Variants in SLC14A2 observed in about 807,000 individuals in gnomAD.
SLC14A2 encodes urea transporter 2.
Under a neutral mutation model 104.6 loss-of-function variants are expected in SLC14A2, and 91 were observed. That is an observed-to-expected ratio of 0.87 (90% CI 0.73 to 1.04). The LOEUF (loss-of-function observed/expected upper bound fraction) is 1.04. Among genes scored for constraint, SLC14A2 ranks in the 50% least tolerant of loss-of-function variants. The pLI is 0.00. For missense variants in SLC14A2, 1,189 were observed against 1,156.0 expected, an observed-to-expected ratio of 1.03 and a Z score of -0.41; for synonymous variants, 476 against 466.4, an observed-to-expected ratio of 1.02 and a Z score of -0.27.
chr18:45,544,548 AT>A (rs2043939216), intron 2 of SLC14A2, among the ~76,000 whole-genome samples: 1 of 152,148 alleles, frequency 6.6e-6, no homozygotes, highest in Non-Finnish European at 1.5e-5. Context: ...ATATGTGGTT[AT>A]TTTAAACATT....
At chr18:45,464,246 T>C (rs2087099239) in intron 1 of SLC14A2, among the ~76,000 whole-genome samples, 1 of 152,168 alleles carries the variant, frequency 6.6e-6, no homozygotes, top group Non-Finnish European at 1.5e-5. Context: ...TGATTTAGGG[T>C]AACTTAGCTT....
chr18:45,308,006 G>C lies in SLC14A2; in HGVS notation c.-125+94815G>C, dbSNP rs541952379. ...CAGACACATCACATGGCAAGAATGGGAGCCCGAGAGAGATGAGAGAGGGGC... is the reference window on the plus strand; with the variant it reads ...CAGACACATCACATGGCAAGAATGGCAGCCCGAGAGAGATGAGAGAGGGGC... On this transcript the variant is annotated intron_variant, in intron 1 of 20. Transcript: ENST00000586448. 3.2e-4 allele frequency among the ~76,000 whole-genome samples: 48 copies of C among 152,290 alleles called. No homozygotes were observed. In the South Asian group the frequency reaches 9.7e-3, roughly 31 times the overall value.
chr18:45,208,849 G>A (rs1235169907), upstream of SLC14A2, among the ~76,000 whole-genome samples: 1 of 151,852 alleles, frequency 6.6e-6, no homozygotes, highest in Non-Finnish European at 1.5e-5. Flanking sequence ...CAAAGATATG[G>A]TAGTATTATG....
chr18:45,414,753 AAAAAATATATATATAT>A lies in SLC14A2; in HGVS notation c.-124-68478_-124-68463del, dbSNP rs1194955917. 1.0e-3 allele frequency among the ~76,000 whole-genome samples: 67 copies of A among 64,004 alleles called. 3 individuals are homozygous for A. The highest frequency in any genetic ancestry group is 2.1e-3 in the Admixed American group (11 of 5,252). 42.0% of individuals were successfully genotyped at this position (64,004 alleles called of 152,430 possible). A position where few individuals can be genotyped will look rare whatever the true frequency, so the allele number is the denominator to read the frequency against. On this transcript the variant is annotated intron_variant, in intron 1 of 20. Transcript: ENST00000586448. ...TGCAAGGCACCGAGCGTAAAAAAAA[AAAAAATATATATATAT>A]ATATATATATATATATATATATATA...
intron 1 of SLC14A2, among the ~76,000 whole-genome samples, chr18:45,359,377 C>T (rs2085588204): frequency 6.6e-6 from 1 of 152,138 alleles, no homozygotes; most frequent in Admixed American, 6.5e-5. Flanking sequence ...GCTCCAGCAC[C>T]CCTCCTCCTC....
At chr18:45,489,790 G>C (rs2087686160) in intron 2 of SLC14A2, 1 of 152,188 alleles carries the variant, frequency 6.6e-6, no homozygotes, top group Admixed American at 6.5e-5. Flanking sequence ...AACTGGGGGA[G>C]AAATAATCTG....
At chr18:45,597,697 AT>A (rs2044734226) in intron 2 of SLC14A2, among the ~76,000 whole-genome samples, 2 of 152,150 alleles carry the variant, frequency 1.3e-5, no homozygotes, top group South Asian at 4.1e-4. Flanking sequence ...TCTGCTACAT[AT>A]TCAAAGGAAC....
rs527665700 is a variant in SLC14A2, at chr18:45,574,912, A to T, written c.-34-49719A>T. 3.3e-5 allele frequency among the ~76,000 whole-genome samples: 5 copies of T among 152,252 alleles called. No homozygotes were observed. In the East Asian group the frequency reaches 9.7e-4, roughly 29 times the overall value. On this transcript the variant is annotated intron_variant, in intron 2 of 20. Transcript: ENST00000586448. The stretch of plus-strand genomic sequence containing the variant: ...TGTCCAAGCTTTTCTACAGCCTCCT[A>T]TAAATAGCCACCACTTGGCCTCCTT...
At chr18:45,574,062 T>C (rs1031152972) in intron 2 of SLC14A2, among the ~76,000 whole-genome samples, 1 of 152,234 alleles carries the variant, frequency 6.6e-6, no homozygotes, top group Non-Finnish European at 1.5e-5. Context: ...TTTAGGAAGT[T>C]AAACTAGATC....
intron 2 of SLC14A2, among the ~76,000 whole-genome samples, chr18:45,543,074 G>A (rs531639244): frequency 3.1e-4 from 47 of 151,762 alleles, no homozygotes; most frequent in Non-Finnish European, 5.7e-4. Context: ...TCAGCCTCCC[G>A]AGTAGCTGGG....
chr18:45,516,526 C>T (rs1404834229), intron 2 of SLC14A2, among the ~76,000 whole-genome samples: 1 of 152,186 alleles, frequency 6.6e-6, no homozygotes, highest in Non-Finnish European at 1.5e-5. Flanking sequence ...CTTTCTGAAT[C>T]TCTGTACACT....
chr18:45,258,588 C>A (rs901294103), intron 1 of SLC14A2, among the ~76,000 whole-genome samples: 2 of 143,082 alleles, frequency 1.4e-5, no homozygotes, highest in Non-Finnish European at 3.0e-5. Flanking sequence ...TAGGCAAGGA[C>A]CTTTCTTATT....
intron 16 of SLC14A2, among the ~76,000 whole-genome samples, chr18:45,670,509 C>T (rs139084110): frequency 1.3e-5 from 2 of 152,324 alleles, no homozygotes; most frequent in Non-Finnish European, 2.9e-5. Flanking sequence ...ACCACAAAAT[C>T]ACTTGGGCTT....
At chr18:45,597,434 C>T (rs1038657323) in intron 2 of SLC14A2, among the ~76,000 whole-genome samples, 1 of 152,208 alleles carries the variant, frequency 6.6e-6, no homozygotes, top group Admixed American at 6.5e-5. Flanking sequence ...TTGTTACAGA[C>T]CCTGCTCTAG....
chr18:45,256,233 T>TG (rs138477671), intron 1 of SLC14A2, among the ~76,000 whole-genome samples: 12,111 of 152,252 alleles, frequency 0.08, 543 homozygotes, highest in African/African-American at 0.1. Flanking sequence ...GGATTGTTGT[T>TG]TCTCACTGGG....
intron 1 of SLC14A2, among the ~76,000 whole-genome samples, chr18:45,425,112 G>C (rs1338761967): frequency 6.6e-6 from 1 of 152,114 alleles, no homozygotes; most frequent in Non-Finnish European, 1.5e-5. Context: ...TTCCCTTTAG[G>C]AGTTGAGATT....
the SLC14A2 span, among the ~76,000 whole-genome samples, chr18:45,171,397 A>G: frequency 6.6e-6 from 1 of 152,120 alleles, no homozygotes; most frequent in Non-Finnish European, 1.5e-5. Context: ...ACCATTTGCA[A>G]AGGGAGGGTA....
At position 45,641,468 on chromosome 18, in the gene SLC14A2, G is replaced by A. The variant is rs543217712; in HGVS notation, c.1126+125G>A. On this transcript the variant is annotated intron_variant, in intron 8 of 19. Transcript: ENST00000255226. Reference sequence around the variant, plus strand: ...AGTGACAGAAAGGCCAATGGCTTGCGTCCTAATGCCAGTGCTGCCCTTAAC... The same window carrying A: ...AGTGACAGAAAGGCCAATGGCTTGCATCCTAATGCCAGTGCTGCCCTTAAC... The A allele has an allele frequency of 8.6e-5, 93 of 1,082,938 alleles. 3 individuals are homozygous for A. Among genetic ancestry groups the A allele is most frequent in the South Asian group, 6.5e-4 (45 of 69,264 alleles). The allele number at this position is 1,082,938 out of a possible 1,614,324, so 67.1% of individuals were successfully genotyped here.
intron 2 of SLC14A2, among the ~76,000 whole-genome samples, chr18:45,540,130 G>T (rs2043864039): frequency 6.6e-6 from 1 of 151,912 alleles, no homozygotes. Flanking sequence ...GACTGAGAGG[G>T]CAGAGTGGCT....
Sources: allele counts gnomAD v4.1 joint callset (sites outside exome capture counted in the v4.1 genomes callset), GRCh38; gene constraint gnomAD v4.1.1; transcripts MANE v1.5; gene names NCBI Gene and HGNC (gene_info 2026-07-23, HGNC 2026-07-21).